The following CSMD1 variants were observed in gnomAD, a reference collection of about 807,000 sequenced individuals.
CSMD1 encodes CUB and sushi domain-containing protein 1.
In CSMD1, 213 loss-of-function variants were observed where a neutral mutation model predicts 417.5. The observed-to-expected ratio is 0.51, with a 90% CI of 0.46 to 0.57. The LOEUF is 0.57. Among genes scored for constraint, CSMD1 ranks in the 20% least tolerant of loss-of-function variants. The pLI, the probability that CSMD1 is intolerant of heterozygous loss-of-function variation, is 0.00. For missense variants in CSMD1, 6,923 were observed against 4,529.7 expected (o/e 1.53, Z -15.17); for synonymous variants, 2,862 against 1,736.8 (o/e 1.65, Z -16.11).
intron 62 of CSMD1, among the ~76,000 whole-genome samples, chr8:2,960,939 G>T (rs1162285316): frequency 4.1e-5 from 5 of 122,034 alleles, no homozygotes; most frequent in African/African-American, 6.0e-5. Flanking sequence ...TAGTAAGCAA[G>T]ATATATATAT....
chr8:4,925,138 C>T (rs1256146131), intron 1 of CSMD1, among the ~76,000 whole-genome samples: 1 of 151,010 alleles, frequency 6.6e-6, no homozygotes, highest in African/African-American at 2.4e-5. Flanking sequence ...TGTTTAGTCC[C>T]TGAGCAGCAG....
intron 5 of CSMD1, among the ~76,000 whole-genome samples, chr8:3,894,482 G>C (rs1170489494): frequency 1.3e-5 from 2 of 152,006 alleles, no homozygotes; most frequent in African/African-American, 2.4e-5. Flanking sequence ...CTCAAATATA[G>C]AACTACAAGT....
At chr8:3,878,785 C>G (rs998749783) in intron 5 of CSMD1, among the ~76,000 whole-genome samples, 10 of 152,088 alleles carry the variant, frequency 6.6e-5, no homozygotes, top group African/African-American at 2.2e-4. Flanking sequence ...TTTGTGCAAA[C>G]TTTGAGTAAC....
At chr8:4,507,440 G>A (rs1802586929) in intron 2 of CSMD1, among the ~76,000 whole-genome samples, 1 of 152,104 alleles carries the variant, frequency 6.6e-6, no homozygotes, top group Non-Finnish European at 1.5e-5. Flanking sequence ...TTTTATGGGT[G>A]CCAGGCTGTC....
intron 1 of CSMD1, among the ~76,000 whole-genome samples, chr8:4,973,613 C>T (rs879511183): frequency 8.5e-5 from 13 of 152,124 alleles, no homozygotes; most frequent in African/African-American, 1.2e-4. Flanking sequence ...TCTCTAATTT[C>T]GTATCTCTAC....
At chr8:3,020,769 G>C (rs994217324) in intron 51 of CSMD1, among the ~76,000 whole-genome samples, 6 of 152,126 alleles carry the variant, frequency 3.9e-5, no homozygotes, top group African/African-American at 1.4e-4. Flanking sequence ...AAATTGGGAG[G>C]TCCAACTCGA....
intron 1 of CSMD1, among the ~76,000 whole-genome samples, chr8:4,975,445 T>C (rs1810493932): frequency 6.6e-6 from 1 of 152,202 alleles, no homozygotes; most frequent in Non-Finnish European, 1.5e-5. Context: ...CTTCTAAGTA[T>C]GTATTCATCA....
intron 3 of CSMD1, among the ~76,000 whole-genome samples, chr8:4,153,842 G>T (rs749153812): frequency 6.6e-6 from 1 of 152,174 alleles, no homozygotes; most frequent in Non-Finnish European, 1.5e-5. Flanking sequence ...ACATGCAAGT[G>T]GTGACCGTAG....
intron 1 of CSMD1, among the ~76,000 whole-genome samples, chr8:4,817,058 T>A (rs938023813): frequency 1.3e-5 from 2 of 152,196 alleles, no homozygotes; most frequent in Non-Finnish European, 1.5e-5. Flanking sequence ...TAGACATATA[T>A]GAAGAACTAG....
chr8:3,908,714 C>T (rs184054984), intron 5 of CSMD1, among the ~76,000 whole-genome samples: 55 of 152,212 alleles, frequency 3.6e-4, no homozygotes, highest in African/African-American at 1.2e-3. Context: ...TAATAGCAGG[C>T]CAGAGGTCTC....
intron 5 of CSMD1, among the ~76,000 whole-genome samples, chr8:3,760,727 A>G (rs897092303): frequency 3.3e-5 from 5 of 152,224 alleles, no homozygotes; most frequent in East Asian, 1.9e-4. Flanking sequence ...CTCTTACATT[A>G]AGCCAGATTT....
At chr8:4,769,908 C>A (rs376989169) in intron 1 of CSMD1, among the ~76,000 whole-genome samples, 5 of 152,072 alleles carry the variant, frequency 3.3e-5, no homozygotes, top group Admixed American at 1.3e-4. Context: ...AATCATGAAT[C>A]CTCATGATTA....
intron 2 of CSMD1, among the ~76,000 whole-genome samples, chr8:4,468,439 G>A (rs574673294): frequency 6.6e-6 from 1 of 152,238 alleles, no homozygotes; most frequent in East Asian, 1.9e-4. Flanking sequence ...TGAGACTCAG[G>A]CCAAAACTTC....
At chr8:3,471,397 G>A (rs189180405) in intron 11 of CSMD1, among the ~76,000 whole-genome samples, 1 of 152,118 alleles carries the variant, frequency 6.6e-6, no homozygotes, top group Admixed American at 6.5e-5. Flanking sequence ...AGTCAATTTT[G>A]GTTCCACATG....
intron 3 of CSMD1, among the ~76,000 whole-genome samples, chr8:4,342,717 G>C (rs556803257): frequency 1.3e-5 from 2 of 152,162 alleles, no homozygotes; most frequent in South Asian, 4.1e-4. Flanking sequence ...GGTTAGCAAA[G>C]GGAGAACATT....
intron 25 of CSMD1, among the ~76,000 whole-genome samples, chr8:3,299,514 A>C (rs946226181): frequency 6.6e-6 from 1 of 152,158 alleles, no homozygotes; most frequent in Non-Finnish European, 1.5e-5. Context: ...AGATACAGGC[A>C]CGTGAGGAAA....
intron 37 of CSMD1, among the ~76,000 whole-genome samples, chr8:3,179,115 C>G (rs28633536): frequency 2.0e-5 from 3 of 150,164 alleles, no homozygotes; most frequent in South Asian, 4.3e-4. Context: ...CTGGCTAATT[C>G]TTTGTATTTT....
At chr8:4,422,450 G>A (rs62481001) in intron 2 of CSMD1, among the ~76,000 whole-genome samples, 32,373 of 151,904 alleles carry the variant, frequency 0.21, 4,218 homozygotes, top group African/African-American at 0.37. Flanking sequence ...ATCCCATAGG[G>A]TAAGCATACG....
rs1223914352 is a variant in CSMD1, at chr8:3,724,053, A to C, written c.932-15562T>G. 1.9e-4 allele frequency among the ~76,000 whole-genome samples: 12 copies of C among 62,024 alleles called. 2 individuals are homozygous for C. In the East Asian group the frequency reaches 4.0e-3, roughly 21 times the overall value. 40.7% of individuals were successfully genotyped at this position (62,024 alleles called of 152,430 possible). Reference sequence around the variant, plus strand: ...TTCAACTTTCTATCTGTGTAAACACAGATTTTGTTCATTGACTTCAACCAG... The same window carrying C: ...TTCAACTTTCTATCTGTGTAAACACCGATTTTGTTCATTGACTTCAACCAG... On this transcript the variant is annotated intron_variant, in intron 6 of 69. Transcript: ENST00000635120.
Sources: gnomAD v4.1 joint callset for allele counts (sites outside exome capture counted in the v4.1 genomes callset) on GRCh38, gnomAD v4.1.1 for gene constraint, MANE v1.5 for transcripts, NCBI Gene and HGNC (gene_info 2026-07-23, HGNC 2026-07-21) for gene names.